Variants in KALRN observed in about 807,000 individuals in gnomAD.
The protein encoded by KALRN is kalirin RhoGEF kinase.
Under a neutral mutation model 353.7 loss-of-function variants are expected in KALRN, and 70 were observed. The ratio of observed to expected loss-of-function variants is 0.20; its 90% CI spans 0.16 to 0.24. The LOEUF (loss-of-function observed/expected upper bound fraction) is 0.24, where lower values mean the gene tolerates loss of function less well. Among genes scored for constraint, KALRN ranks in the 10% least tolerant of loss-of-function variants. The probability of loss-of-function intolerance (pLI) is 1.00; values close to 1 mark genes in which losing one functional copy is unlikely to be tolerated. For synonymous variants in KALRN, 1,391 were observed against 1,434.8 expected, an observed-to-expected ratio of 0.97 and a Z score of 0.69; for missense variants, 2,791 against 3,756.7, an observed-to-expected ratio of 0.74 and a Z score of 6.72.
At chr3:124,089,082 A>G (rs992681853) in intron 1 of KALRN, among the ~76,000 whole-genome samples, 3 of 152,258 alleles carry the variant, frequency 2.0e-5, no homozygotes, top group African/African-American at 7.2e-5. Flanking sequence ...AAAAGGGACT[A>G]AGTAGAAAAA....
intron 34 of KALRN, among the ~76,000 whole-genome samples, chr3:124,580,384 G>GGGGGGGGGGGGGGGT (rs1398227667): frequency 6.7e-6 from 1 of 148,548 alleles, no homozygotes; most frequent in Admixed American, 6.9e-5. Context: ...GGGGAGGGGG[G>GGGGGGGGGGGGGGGT]ACTCAGGCAG....
chr3:124,337,169 C>T (rs933649157), intron 9 of KALRN, among the ~76,000 whole-genome samples: 2 of 152,136 alleles, frequency 1.3e-5, no homozygotes, highest in African/African-American at 4.8e-5. Flanking sequence ...TGCCTGATTG[C>T]CCTGGCCAGA....
chr3:124,482,888 A>G lies in KALRN; in HGVS notation c.4272A>G (p.Gln1424=), dbSNP rs749966505. 2 of 1,609,312 alleles carry G rather than the reference A, an allele frequency of 1.2e-6. No homozygotes were observed. The highest frequency in any genetic ancestry group is 1.1e-5 in the South Asian group (1 of 90,968). The change falls in exon 28 of 60, where the codon CAA becomes CAG. Residue 1424 remains glutamine, a synonymous_variant. Coordinates refer to ENST00000682506, the MANE Select transcript of KALRN (RefSeq NM_001388419.1). The part of the protein sequence containing the change: ...IKPVQRITKY[Q]LLLKELLTCC... ...CTGTCCAAAGGATCACCAAATATCA[A>G]CTGCTCCTGAAGGTACCTCCCCTCC...
intron 37 of KALRN, among the ~76,000 whole-genome samples, chr3:124,639,074 G>C (rs942757689): frequency 1.3e-5 from 2 of 152,104 alleles, no homozygotes; most frequent in African/African-American, 4.8e-5. Context: ...TATTTATTTG[G>C]TTGTTGAACT....
chr3:124,451,640 G>GAA (rs2058796912), intron 21 of KALRN, among the ~76,000 whole-genome samples: 2 of 152,150 alleles, frequency 1.3e-5, no homozygotes, highest in African/African-American at 4.8e-5. Flanking sequence ...GGCCACGTGT[G>GAA]GAAATAAAGA....
rs2080929634 is a variant in KALRN at position 124,334,571 on chromosome 3, T to G, written c.1647+76T>G. ...GAGCTCAAGTCCCTGACCTAGGTGATCAGGCTTAGGAGAGCCCAGATTTAT... is the reference window on the plus strand; with the variant it reads ...GAGCTCAAGTCCCTGACCTAGGTGAGCAGGCTTAGGAGAGCCCAGATTTAT... On this transcript the variant is annotated intron_variant, in intron 9 of 59. Transcript: ENST00000682506. This position sits in a 1 kb window ranked among gnomAD's most constrained non-coding sequence, Gnocchi z 4.2. 3.4e-5 allele frequency: 35 copies of G among 1,044,750 alleles called. 1 individual carries two copies. The South Asian group carries it at 5.2e-4, about 15-fold the overall frequency. 64.7% of individuals were successfully genotyped at this position (1,044,750 alleles called of 1,614,324 possible). A position where few individuals can be genotyped will look rare whatever the true frequency, so the allele number is the denominator to read the frequency against.
intron 33 of KALRN, chr3:124,518,591 T>C: frequency 2.5e-6 from 4 of 1,583,832 alleles, no homozygotes; most frequent in Non-Finnish European, 3.4e-6. Context: ...GGTGCAGCCT[T>C]TGCTCAGAGG....
At chr3:124,546,439 G>C (rs1170323312) in intron 33 of KALRN, among the ~76,000 whole-genome samples, 1 of 152,096 alleles carries the variant, frequency 6.6e-6, no homozygotes, top group Non-Finnish European at 1.5e-5. Context: ...ACTCCAGCCT[G>C]GGTGATAGAG....
Position 124,628,144 on chromosome 3 carries a change from C to A in KALRN, c.5183-4276C>A, listed in dbSNP as rs573172149. 4.6e-5 allele frequency among the ~76,000 whole-genome samples: 3 copies of A among 64,626 alleles called. No homozygotes were observed. In the South Asian group the frequency reaches 1.8e-3, roughly 39 times the overall value. The allele number at this position is 64,626 out of a possible 152,430, so 42.4% of individuals were successfully genotyped here. A position where few individuals can be genotyped will look rare whatever the true frequency, so the allele number is the denominator to read the frequency against. On this transcript the variant is annotated intron_variant, in intron 34 of 59. Coordinates refer to ENST00000682506, the MANE Select transcript of KALRN (RefSeq NM_001388419.1). ...TCCATTCACCTTTCCTTCCATCCTC[C>A]CTCCCTCCCTCCCTCCCTTCCTTCC...
intron 1 of KALRN, among the ~76,000 whole-genome samples, chr3:124,111,936 T>A (rs2063015621): frequency 6.6e-6 from 1 of 152,208 alleles, no homozygotes; most frequent in Non-Finnish European, 1.5e-5. Flanking sequence ...ATGATTCCAC[T>A]GAATGAGCTG....
At chr3:124,140,010 A>C (rs967339634) in intron 1 of KALRN, among the ~76,000 whole-genome samples, 1 of 152,114 alleles carries the variant, frequency 6.6e-6, no homozygotes, top group African/African-American at 2.4e-5. Flanking sequence ...CCATATTGTC[A>C]TATGGTAGTT....
At chr3:124,484,373 T>A (rs1159921876) in intron 28 of KALRN, among the ~76,000 whole-genome samples, 2 of 152,158 alleles carry the variant, frequency 1.3e-5, no homozygotes, top group East Asian at 3.9e-4. Context: ...ATTCTTCTCC[T>A]TCCTCATCTC....
At chr3:124,180,757 C>G (rs1309845319) in intron 1 of KALRN, among the ~76,000 whole-genome samples, 1 of 152,142 alleles carries the variant, frequency 6.6e-6, no homozygotes, top group Non-Finnish European at 1.5e-5. Flanking sequence ...TCCCACACAG[C>G]CCACTTCTCT....
At chr3:124,590,415 C>G (rs899734127) in intron 34 of KALRN, among the ~76,000 whole-genome samples, 1 of 152,102 alleles carries the variant, frequency 6.6e-6, no homozygotes. Context: ...ATAAAAGGTG[C>G]AAATTATGAC....
intron 6 of KALRN, among the ~76,000 whole-genome samples, chr3:124,308,534 T>C (rs1489712297): frequency 6.6e-6 from 1 of 151,884 alleles, no homozygotes; most frequent in African/African-American, 2.4e-5. Flanking sequence ...AATTCACGAA[T>C]AGGTGGAAAT....
chr3:124,275,534 C>T (rs1313936853), intron 5 of KALRN, among the ~76,000 whole-genome samples: 6 of 152,156 alleles, frequency 3.9e-5, no homozygotes, highest in African/African-American at 9.7e-5. Context: ...CAAACTTCTT[C>T]GCAGGGTTGT....
chr3:124,325,293 A>G (rs568525139), intron 6 of KALRN, among the ~76,000 whole-genome samples: 1 of 152,192 alleles, frequency 6.6e-6, no homozygotes, highest in South Asian at 2.1e-4. Context: ...AGGTGGGGAA[A>G]TCTTCCTAAA....
chr3:124,201,625 C>T (rs954531545), intron 1 of KALRN, among the ~76,000 whole-genome samples: 1 of 152,146 alleles, frequency 6.6e-6, no homozygotes, highest in African/African-American at 2.4e-5. Context: ...ATGCTGTGGT[C>T]TGTACAGGTT....
chr3:124,526,725 T>C (rs2067625184), intron 33 of KALRN, among the ~76,000 whole-genome samples: 1 of 152,118 alleles, frequency 6.6e-6, no homozygotes. Context: ...ATGTCCAAAA[T>C]AGTATAATGA....
Sources: gnomAD v4.1 joint callset for allele counts (sites outside exome capture counted in the v4.1 genomes callset) on GRCh38, gnomAD v4.1.1 for gene constraint, Gnocchi (gnomAD v3.1) non-coding constraint, MANE v1.5 for transcripts, NCBI Gene and HGNC (gene_info 2026-07-23, HGNC 2026-07-21) for gene names.